A1CF: variants seen among roughly 807,000 people sequenced by gnomAD.
A1CF encodes the protein APOBEC-1 stimulating protein.
A neutral mutation model predicts 68.9 loss-of-function variants in A1CF; 48 were observed. The ratio of observed to expected loss-of-function variants is 0.70; its 90% CI spans 0.55 to 0.89. The LOEUF is 0.89. Ranked by LOEUF, A1CF falls within the 40% of genes least tolerant of loss-of-function variation. The pLI is 0.00. For missense variants in A1CF, 653 were observed against 718.9 expected (o/e 0.91, Z 1.05); for synonymous variants, 272 against 260.4 (o/e 1.04, Z -0.43).
intron 1 of A1CF, among the ~76,000 whole-genome samples, chr10:50,865,969 C>T (rs1180520155): frequency 6.6e-6 from 1 of 152,230 alleles, no homozygotes; most frequent in Admixed American, 6.5e-5. Context: ...CTCAGCTTGA[C>T]ATTATGCTAA....
At chr10:50,864,927 G>A (rs1406903169) in intron 1 of A1CF, among the ~76,000 whole-genome samples, 3 of 151,794 alleles carry the variant, frequency 2.0e-5, no homozygotes, top group Non-Finnish European at 2.9e-5. Flanking sequence ...CAATCCTCCC[G>A]GCAGGTCTCC....
intron 5 of A1CF, among the ~76,000 whole-genome samples, chr10:50,837,262 A>C (rs1450594919): frequency 6.6e-6 from 1 of 152,224 alleles, no homozygotes; most frequent in Non-Finnish European, 1.5e-5. Flanking sequence ...TTAAGGAATG[A>C]AACCTAGCTG....
chr10:50,880,857 G>A lies in A1CF; in HGVS notation c.-94+4724C>T, dbSNP rs73328723. Among the ~76,000 whole-genome samples the A allele has an allele frequency of 3.2e-3, 486 of 152,288 alleles. 4 individuals carry two copies. Among genetic ancestry groups the A allele is most frequent in the African/African-American group, 0.011 (467 of 41,554 alleles). On this transcript the variant is annotated intron_variant, in intron 1 of 12. Coordinates refer to ENST00000373997, the MANE Select transcript of A1CF (RefSeq NM_014576.4). The stretch of plus-strand genomic sequence containing the variant: ...TCTGTTCCTTTATATCTTTCACTGT[G>A]TTAGTCACAGCATCTGGACTGAGTT...
chr10:50,858,030 C>T (rs1840570070), intron 3 of A1CF, among the ~76,000 whole-genome samples: 1 of 152,238 alleles, frequency 6.6e-6, no homozygotes, highest in East Asian at 1.9e-4. Context: ...TTTATTTCTC[C>T]CTTCTGCTTC....
chr10:50,799,725 TA>T lies in A1CF; in HGVS notation c.*7003del, dbSNP rs1837524668. On this transcript the variant is annotated 3_prime_UTR_variant, in exon 13 of 13. Transcript: ENST00000373997. ...CCTCAGCTAACTAACTTCACATAAA[TA>T]AAAATAATAACAAAAAAGAAAAGAA... 1 of 151,886 alleles carries T rather than the reference TA, an allele frequency of 6.6e-6. No homozygotes were observed. The highest frequency in any genetic ancestry group is 6.6e-5 in the Admixed American group (1 of 15,248). The allele number at this position is 151,886 out of a possible 1,614,324, so 9.4% of individuals were successfully genotyped here.
At chr10:50,879,697 GA>G (rs988849427) in intron 1 of A1CF, among the ~76,000 whole-genome samples, 1 of 152,254 alleles carries the variant, frequency 6.6e-6, no homozygotes, top group South Asian at 2.1e-4. Context: ...CAGCATGGGG[GA>G]AACCACCCCC....
rs1378673376 is a variant in A1CF, at chr10:50,836,295, C to T, written c.383G>A (p.Gly128Glu). The T allele has an allele frequency of 5.0e-6, 8 of 1,612,122 alleles. No homozygotes were observed. Among genetic ancestry groups the T allele is most frequent in the African/African-American group, 1.3e-5 (1 of 74,850 alleles). The change falls in exon 6 of 13, where the codon GGG (glycine) becomes GAG (glutamate). Residue 128 changes from glycine (G) to glutamate (E), a missense_variant. Transcript: ENST00000373997. ...NYEIRNGRLL[G>E]VCASVDNCRL... is the part of the protein sequence containing the mutation. ...GCAGTTGTCCACACTGGCACAAACC[C>T]CTAAGAGGCGCCCATTTCTGCAAAA...
intron 3 of A1CF, among the ~76,000 whole-genome samples, chr10:50,848,351 G>C (rs1309332974): frequency 2.0e-5 from 3 of 152,140 alleles, no homozygotes; most frequent in Non-Finnish European, 4.4e-5. Context: ...TAGAATAAAG[G>C]TCCTATCATT....
intron 10 of A1CF, among the ~76,000 whole-genome samples, chr10:50,811,503 CTGTGTGTATAGATTTGTAT>C (rs1449051071): frequency 6.6e-6 from 1 of 152,258 alleles, no homozygotes; most frequent in South Asian, 2.1e-4. Flanking sequence ...TGCTCCAACA[CTGTGTGTATAGATTTGTAT>C]AGATTTACTC....
intron 6 of A1CF, among the ~76,000 whole-genome samples, chr10:50,833,252 G>A (rs1012446281): frequency 1.3e-5 from 2 of 152,126 alleles, no homozygotes; most frequent in Non-Finnish European, 2.9e-5. Flanking sequence ...AGCATCCTGG[G>A]AGCTTGTTGT....
At chr10:50,853,686 C>A (rs1464526705) in intron 3 of A1CF, among the ~76,000 whole-genome samples, 1 of 150,746 alleles carries the variant, frequency 6.6e-6, no homozygotes, top group Non-Finnish European at 1.5e-5. Flanking sequence ...AAAGAATTTT[C>A]TTTAAAAACT....
rs1255753890 is a variant in A1CF, at chr10:50,801,572, G to C, written c.*5157C>G. 1 of 152,132 alleles carries C rather than the reference G, an allele frequency of 6.6e-6. No homozygotes were observed. The highest frequency in any genetic ancestry group is 2.4e-5 in the African/African-American group (1 of 41,432). The allele number at this position is 152,132 out of a possible 1,614,324, so 9.4% of individuals were successfully genotyped here. ...GAGAGACATTGGTAAACCCTGAATG[G>C]GGCTGATATTCTTCATTCTCCAAGA... On this transcript the variant is annotated 3_prime_UTR_variant, in exon 13 of 13. Coordinates refer to ENST00000373997, the MANE Select transcript of A1CF (RefSeq NM_014576.4).
intron 7 of A1CF, chr10:50,822,708 A>G (rs551151781): frequency 6.6e-6 from 1 of 152,342 alleles, no homozygotes; most frequent in South Asian, 2.1e-4. Context: ...GAGACATATA[A>G]TTAACTGAAT....
intron 3 of A1CF, among the ~76,000 whole-genome samples, chr10:50,848,552 A>G (rs1840098537): frequency 6.6e-6 from 1 of 152,228 alleles, no homozygotes; most frequent in Non-Finnish European, 1.5e-5. Flanking sequence ...AAGGACATTA[A>G]TTAATGAACC....
In A1CF at chr10:50,850,690, A is replaced by C. The variant is rs764757992; in HGVS notation, c.100-6568T>G. On this transcript the variant is annotated intron_variant, in intron 3 of 12. Transcript: ENST00000373997. Reference sequence around the variant, plus strand: ...CTTTTCCAGCAAAGTTTGCAAAATGATGGACTGCAAAGCATTATTTCCTTT... The same window carrying C: ...CTTTTCCAGCAAAGTTTGCAAAATGCTGGACTGCAAAGCATTATTTCCTTT... The C allele has an allele frequency of 1.9e-6, 3 of 1,613,944 alleles. No individual in the cohort carries two copies. In the African/African-American group the frequency reaches 4.0e-5, roughly 22 times the overall value.
intron 1 of A1CF, among the ~76,000 whole-genome samples, chr10:50,869,536 G>T (rs1841152972): frequency 6.6e-6 from 1 of 152,002 alleles, no homozygotes; most frequent in Admixed American, 6.6e-5. Context: ...AAGTTGTTAA[G>T]GTCCTAAGAC....
intron 11 of A1CF, 71 bp downstream of exon 11, chr10:50,810,969 G>T (rs1588963344): frequency 2.7e-6 from 4 of 1,469,542 alleles, no homozygotes; most frequent in Admixed American, 2.0e-5. Context: ...TGTTTAGATG[G>T]TGACTAAATG....
Position 50,820,587 on chromosome 10 carries a change from C to G in A1CF, c.832G>C (p.Asp278His), listed in dbSNP as rs749810747. 3 of 1,613,614 alleles carry G rather than the reference C, an allele frequency of 1.9e-6. No homozygotes were observed. In the South Asian group the frequency reaches 3.3e-5, roughly 18 times the overall value. Residue 278 changes from aspartate (D) to histidine (H), a missense_variant, in exon 8 of 13, where the codon GAT (aspartate) becomes CAT (histidine). Physicochemically the swap from Asp to His is moderately conservative, Grantham distance 81. Coordinates refer to ENST00000373997, the MANE Select transcript of A1CF (RefSeq NM_014576.4). Reference sequence around the variant, plus strand: ...AAAGCTTTCATAGCCTCAACTGCATCTTCTCGGTTACTGAAGTGCACAAAA... The same window carrying G: ...AAAGCTTTCATAGCCTCAACTGCATGTTCTCGGTTACTGAAGTGCACAAAA... ...YAFVHFSNRE[D>H]AVEAMKALNG...
intron 7 of A1CF, among the ~76,000 whole-genome samples, chr10:50,826,340 G>A (rs1299304578): frequency 6.6e-6 from 1 of 152,080 alleles, no homozygotes; most frequent in Non-Finnish European, 1.5e-5. Flanking sequence ...AGGTCTGCAT[G>A]GAATTATGAG....
Sources: allele counts gnomAD v4.1 joint callset (sites outside exome capture counted in the v4.1 genomes callset), GRCh38; gene constraint gnomAD v4.1.1; transcripts MANE v1.5; gene names NCBI Gene and HGNC (gene_info 2026-07-23, HGNC 2026-07-21).